Variants in ANO4 observed in about 807,000 individuals in gnomAD.
ANO4 encodes the protein anoctamin 4.
A neutral mutation model predicts 141.9 loss-of-function variants in ANO4; 69 were observed. That is an observed-to-expected ratio of 0.49 (90% confidence interval 0.40 to 0.59). The LOEUF is 0.59. ANO4 is among the 20% of genes least tolerant of loss of function. The pLI is 0.00. For synonymous variants in ANO4, 350 were observed against 394.3 expected (o/e 0.89, Z 1.33); for missense variants, 894 against 1,162.2 (o/e 0.77, Z 3.36).
intron 1 of ANO4, among the ~76,000 whole-genome samples, chr12:100,853,769 G>A (rs1399445): frequency 0.039 from 5,890 of 152,196 alleles, 138 homozygotes; most frequent in Non-Finnish European, 0.054. Context: ...AAAGGCTAAA[G>A]GTAGTATCTC....
intron 14 of ANO4, among the ~76,000 whole-genome samples, chr12:101,076,416 T>C (rs2049026835): frequency 6.6e-6 from 1 of 152,228 alleles, no homozygotes; most frequent in South Asian, 2.1e-4. Flanking sequence ...AATAAATTTC[T>C]ATTGTTTAGA....
intron 1 of ANO4, among the ~76,000 whole-genome samples, chr12:100,880,319 A>G (rs2039505575): frequency 6.6e-6 from 1 of 152,154 alleles, no homozygotes; most frequent in East Asian, 1.9e-4. Context: ...GCTAATATTT[A>G]TTGAGCATTT....
intron 14 of ANO4, among the ~76,000 whole-genome samples, chr12:101,059,353 G>C (rs2048254355): frequency 6.6e-6 from 1 of 152,180 alleles, no homozygotes; most frequent in South Asian, 2.1e-4. Flanking sequence ...CTAGGTTTTG[G>C]TATCAGGATG....
At chr12:101,075,727 C>CTT (rs1566212206) in intron 14 of ANO4, among the ~76,000 whole-genome samples, 1 of 113,932 alleles carries the variant, frequency 8.8e-6, no homozygotes, top group Non-Finnish European at 2.0e-5. Context: ...ATATATATAT[C>CTT]TTTATATATA....
rs544858493 is a variant in ANO4 at position 100,833,243 on chromosome 12, C to A, written c.-141+38216C>A. ...CTGAAAAGCAAAAGAATAATTACTT[C>A]TTAGTTTAATACCCCCATTCTAACA... On this transcript the variant is annotated intron_variant, in intron 1 of 27. Coordinates refer to ENST00000392977, the MANE Select transcript of ANO4 (RefSeq NM_001286615.2). Among the ~76,000 whole-genome samples, 16 of 152,160 alleles carry A rather than the reference C, an allele frequency of 1.1e-4. No individual in the cohort carries two copies. In the South Asian group the frequency reaches 3.3e-3, roughly 32 times the overall value.
At chr12:100,735,400 A>G (rs2031561505) in intron 2 of ANO4, among the ~76,000 whole-genome samples, 1 of 152,230 alleles carries the variant, frequency 6.6e-6, no homozygotes, top group South Asian at 2.1e-4. Context: ...CTAAAATGCC[A>G]TTCCCAGAGA....
chr12:101,010,851 A>C (rs1451956906), intron 8 of ANO4, among the ~76,000 whole-genome samples: 2 of 152,214 alleles, frequency 1.3e-5, no homozygotes, highest in Non-Finnish European at 2.9e-5. Context: ...ATAACAATCT[A>C]CTACAAAATT....
At chr12:100,750,237 C>A (rs1300868618) in intron 3 of ANO4, among the ~76,000 whole-genome samples, 1 of 151,814 alleles carries the variant, frequency 6.6e-6, no homozygotes, top group Non-Finnish European at 1.5e-5. Context: ...TGGATTCAAG[C>A]ACTTGTGCCT....
intron 1 of ANO4, among the ~76,000 whole-genome samples, chr12:100,854,428 A>G (rs1476747628): frequency 6.6e-6 from 1 of 151,856 alleles, no homozygotes; most frequent in Non-Finnish European, 1.5e-5. Flanking sequence ...AAAGTTTTCA[A>G]CCATTACTTT....
intron 1 of ANO4, among the ~76,000 whole-genome samples, chr12:100,869,240 A>G (rs2038912757): frequency 2.0e-5 from 3 of 152,204 alleles, no homozygotes; most frequent in Non-Finnish European, 2.9e-5. Flanking sequence ...GCTCCTGCCA[A>G]TATAGACTGG....
At chr12:100,913,400 A>C (rs543312205) in intron 2 of ANO4, among the ~76,000 whole-genome samples, 1 of 152,224 alleles carries the variant, frequency 6.6e-6, no homozygotes, top group Non-Finnish European at 1.5e-5. Flanking sequence ...AAGTACAGCA[A>C]TGTGCCCCTT....
At position 100,901,775 on chromosome 12, in the gene ANO4, G is replaced by T. The variant is rs746432347; in HGVS notation, c.-11G>T. On this transcript the variant is annotated 5_prime_UTR_variant, in exon 2 of 28. The change creates a new upstream start codon in the 5' untranslated region. Coordinates refer to ENST00000392977, the MANE Select transcript of ANO4 (RefSeq NM_001286615.2). ...CATTCCTCACTCCCACCAGGCAGAA[G>T]GTCAATAAAAATGGAGGCAAGCTCT... is the stretch of plus-strand genomic sequence containing the variant. The T allele has an allele frequency of 6.2e-7, 1 of 1,613,700 alleles. No homozygotes were observed. The highest frequency in any genetic ancestry group is 1.1e-5 in the South Asian group (1 of 91,060).
At chr12:100,893,870 C>G (rs540916087) in intron 1 of ANO4, among the ~76,000 whole-genome samples, 4 of 152,120 alleles carry the variant, frequency 2.6e-5, no homozygotes, top group African/African-American at 9.6e-5. Flanking sequence ...AAAGAAGTTA[C>G]AAAAAGCCTG....
At chr12:100,884,585 T>A (rs1303155958) in intron 1 of ANO4, among the ~76,000 whole-genome samples, 4 of 152,222 alleles carry the variant, frequency 2.6e-5, no homozygotes. Flanking sequence ...CAATTTATCT[T>A]ACATTTCTGT....
chr12:100,944,980 C>G (rs533314065), intron 5 of ANO4, among the ~76,000 whole-genome samples: 1 of 152,242 alleles, frequency 6.6e-6, no homozygotes, highest in Non-Finnish European at 1.5e-5. Context: ...ATGGCGATTT[C>G]AGCTTCCAGG....
At chr12:100,764,024 TG>T (rs1414026058) in intron 3 of ANO4, among the ~76,000 whole-genome samples, 1 of 152,128 alleles carries the variant, frequency 6.6e-6, no homozygotes, top group African/African-American at 2.4e-5. Flanking sequence ...ATGTAGTACT[TG>T]GGTGAGCACT....
chr12:100,807,423 C>A (rs1209401850), intron 1 of ANO4, among the ~76,000 whole-genome samples: 1 of 152,144 alleles, frequency 6.6e-6, no homozygotes, highest in Non-Finnish European at 1.5e-5. Flanking sequence ...AGCCTCACCC[C>A]TATTACCCTT....
chr12:101,088,899 A>T (rs1048997556), intron 17 of ANO4, among the ~76,000 whole-genome samples: 1 of 152,050 alleles, frequency 6.6e-6, no homozygotes, highest in African/African-American at 2.4e-5. Context: ...AATTAAAAAA[A>T]TTTTAAAAGC....
rs1268663356 is a variant in ANO4, at chr12:100,821,565, T to C, written c.-141+26538T>C. 3.3e-5 allele frequency among the ~76,000 whole-genome samples: 5 copies of C among 152,066 alleles called. No homozygotes were observed. In the East Asian group the frequency reaches 5.8e-4, roughly 18 times the overall value. ...ATAGAGATGAAGACAGAGTCACATA[T>C]GTGAAGTTAAAAAAATGTAAATTTA... On this transcript the variant is annotated intron_variant, in intron 1 of 27. Coordinates refer to ENST00000392977, the MANE Select transcript of ANO4 (RefSeq NM_001286615.2).
Sources: gnomAD v4.1 joint callset for allele counts (sites outside exome capture counted in the v4.1 genomes callset) on GRCh38, gnomAD v4.1.1 for gene constraint, MANE v1.5 for transcripts, NCBI Gene and HGNC (gene_info 2026-07-23, HGNC 2026-07-21) for gene names.